Variants in ZNF521 observed in about 807,000 individuals in gnomAD.
ZNF521 encodes LYST-interacting protein 3.
ZNF521 carries 14 observed loss-of-function variants against 105.5 expected under a neutral mutation model. The observed-to-expected ratio is 0.13, with a 90% confidence interval of 0.09 to 0.21. The LOEUF (loss-of-function observed/expected upper bound fraction) is 0.21. ZNF521 is among the 10% of genes least tolerant of loss of function. The pLI, the probability that ZNF521 is intolerant of heterozygous loss-of-function variation, is 1.00. For missense variants in ZNF521, 1,233 were observed against 1,629.7 expected, an observed-to-expected ratio of 0.76 and a Z score of 4.19; for synonymous variants, 635 against 606.0, an observed-to-expected ratio of 1.05 and a Z score of -0.70.
intron 5 of ZNF521, 117 bp downstream of exon 5, chr18:25,195,043 C>T: frequency 1.2e-6 from 1 of 828,008 alleles, no homozygotes; most frequent in Admixed American, 2.9e-5. Flanking sequence ...AAAAATCAAT[C>T]ATGCCGAGGA....
At chr18:25,108,949 A>G (rs1024863259) in intron 5 of ZNF521, among the ~76,000 whole-genome samples, 1 of 152,086 alleles carries the variant, frequency 6.6e-6, no homozygotes, top group African/African-American at 2.4e-5. Context: ...AATTTATTTG[A>G]TTTTAATTTA....
chr18:25,348,553 C>T (rs1914562157), intron 2 of ZNF521, among the ~76,000 whole-genome samples: 2 of 152,170 alleles, frequency 1.3e-5, no homozygotes, highest in African/African-American at 4.8e-5. Flanking sequence ...GCCCAGCCAG[C>T]CCACCTGAGG....
At chr18:25,062,876 C>T (rs1299468127) in intron 7 of ZNF521, 135 bp from the exon 8 acceptor site, 8 of 876,146 alleles carry the variant, frequency 9.1e-6, no homozygotes, top group Non-Finnish European at 1.3e-5. Flanking sequence ...TTGAACAGAA[C>T]AATGAGTTTC....
chr18:25,277,182 C>CAAAAA (rs34657167), intron 3 of ZNF521, among the ~76,000 whole-genome samples: 1 of 82,504 alleles, frequency 1.2e-5, no homozygotes, highest in African/African-American at 4.6e-5. Flanking sequence ...GACTCCGTCT[C>CAAAAA]AAAAAAAAAA....
At chr18:25,190,701 A>G (rs1471236100) in intron 5 of ZNF521, among the ~76,000 whole-genome samples, 1 of 152,206 alleles carries the variant, frequency 6.6e-6, no homozygotes, top group African/African-American at 2.4e-5. Flanking sequence ...CTTGGGCACC[A>G]AACAAATTGC....
intron 5 of ZNF521, among the ~76,000 whole-genome samples, chr18:25,097,900 T>C (rs574679976): frequency 6.6e-6 from 1 of 152,274 alleles, no homozygotes; most frequent in East Asian, 1.9e-4. Context: ...CTTGAACTTC[T>C]CATTATCAGC....
At chr18:25,314,533 C>T (rs772802674) in intron 3 of ZNF521, among the ~76,000 whole-genome samples, 1 of 152,178 alleles carries the variant, frequency 6.6e-6, no homozygotes, top group African/African-American at 2.4e-5. Flanking sequence ...AACATCCACT[C>T]ATCAATTCAG....
chr18:25,115,072 G>C (rs898836463), intron 5 of ZNF521, among the ~76,000 whole-genome samples: 22 of 152,256 alleles, frequency 1.4e-4, no homozygotes, highest in African/African-American at 5.3e-4. Flanking sequence ...TATGCCAATG[G>C]AAGGGAGTAG....
intron 4 of ZNF521, among the ~76,000 whole-genome samples, chr18:25,204,075 A>G (rs2036037868): frequency 6.6e-6 from 1 of 152,180 alleles, no homozygotes; most frequent in Non-Finnish European, 1.5e-5. Flanking sequence ...TGCAAGAGTA[A>G]AAGCTCCGTG....
At chr18:25,178,087 CTG>C (rs2035565323) in intron 5 of ZNF521, among the ~76,000 whole-genome samples, 1 of 152,184 alleles carries the variant, frequency 6.6e-6, no homozygotes, top group East Asian at 1.9e-4. Flanking sequence ...GCTAAAAAAA[CTG>C]TGATGAACAT....
intron 7 of ZNF521, among the ~76,000 whole-genome samples, chr18:25,088,550 C>T (rs1044381019): frequency 2.0e-5 from 3 of 152,116 alleles, no homozygotes; most frequent in African/African-American, 7.2e-5. Context: ...ACTCTATTCT[C>T]CTCCACGGGA....
intron 5 of ZNF521, among the ~76,000 whole-genome samples, chr18:25,178,648 A>G (rs943772593): frequency 6.6e-6 from 1 of 152,262 alleles, no homozygotes; most frequent in African/African-American, 2.4e-5. Flanking sequence ...TTAAGAAAGT[A>G]GAAGAGAATA....
intron 5 of ZNF521, among the ~76,000 whole-genome samples, chr18:25,142,299 G>T (rs1439297576): frequency 6.6e-6 from 1 of 152,116 alleles, no homozygotes; most frequent in African/African-American, 2.4e-5. Flanking sequence ...ACCAGGCATA[G>T]CACCTGGGTT....
At chr18:25,343,733 A>AT (rs112032650) in intron 2 of ZNF521, among the ~76,000 whole-genome samples, 3 of 151,946 alleles carry the variant, frequency 2.0e-5, no homozygotes, top group East Asian at 1.9e-4. Flanking sequence ...AGGCATACAC[A>AT]TTTTTTTTCT....
rs143058457 is a variant in ZNF521, at chr18:25,259,525, A to T, written c.221-31828T>A. Among the ~76,000 whole-genome samples the T allele has an allele frequency of 7.1e-4, 108 of 152,256 alleles. 2 individuals carry two copies. The East Asian group carries it at 0.016, about 23-fold the overall frequency. ...GTTGGAGAGGGCACCACGGGCGTAA[A>T]CTTCCAGGAGCAGAGGTAAGAAGAG... On this transcript the variant is annotated intron_variant, in intron 3 of 7. Coordinates refer to ENST00000361524, the MANE Select transcript of ZNF521 (RefSeq NM_015461.3).
intron 5 of ZNF521, among the ~76,000 whole-genome samples, chr18:25,184,232 T>C (rs1485558962): frequency 6.6e-6 from 1 of 152,206 alleles, no homozygotes; most frequent in Non-Finnish European, 1.5e-5. Flanking sequence ...AAAATATTTC[T>C]AACTACAATT....
At chr18:25,260,546 T>C (rs1908835986) in intron 3 of ZNF521, among the ~76,000 whole-genome samples, 1 of 152,206 alleles carries the variant, frequency 6.6e-6, no homozygotes, top group African/African-American at 2.4e-5. Context: ...AAAAATTCAA[T>C]GGAAAAATAT....
At chr18:25,211,771 G>C (rs1051185219) in intron 4 of ZNF521, among the ~76,000 whole-genome samples, 2 of 151,828 alleles carry the variant, frequency 1.3e-5, no homozygotes, top group East Asian at 3.9e-4. Context: ...ATATTGTGTG[G>C]GCTTGTTTAC....
At chr18:25,334,126 A>T (rs1182725289) in intron 2 of ZNF521, among the ~76,000 whole-genome samples, 4 of 152,106 alleles carry the variant, frequency 2.6e-5, no homozygotes, top group African/African-American at 9.7e-5. Context: ...GAGGCATTCA[A>T]TTTTTTTTAA....
Sources: allele counts gnomAD v4.1 joint callset (sites outside exome capture counted in the v4.1 genomes callset), GRCh38; gene constraint gnomAD v4.1.1; transcripts MANE v1.5; gene names NCBI Gene and HGNC (gene_info 2026-07-23, HGNC 2026-07-21).